The following SAMD12 variants were observed in gnomAD, a reference collection of about 807,000 sequenced individuals.
SAMD12 encodes sterile alpha motif domain-containing protein 12.
A neutral mutation model predicts 15.0 loss-of-function variants in SAMD12; 9 were observed. The ratio of observed to expected loss-of-function variants is 0.60; its 90% CI spans 0.36 to 1.05. The LOEUF (loss-of-function observed/expected upper bound fraction) is 1.05, where lower values mean the gene tolerates loss of function less well. Ranked by LOEUF, SAMD12 falls within the 50% of genes least tolerant of loss-of-function variation. The probability of loss-of-function intolerance (pLI) is 0.01; values close to 1 mark genes in which losing one functional copy is unlikely to be tolerated. For missense variants in SAMD12, 230 were observed against 234.2 expected, an observed-to-expected ratio of 0.98 and a Z score of 0.12; for synonymous variants, 86 against 90.1, an observed-to-expected ratio of 0.96 and a Z score of 0.25.
intron 2 of SAMD12, among the ~76,000 whole-genome samples, chr8:118,482,261 T>C (rs1247804991): frequency 6.6e-6 from 1 of 152,184 alleles, no homozygotes; most frequent in Non-Finnish European, 1.5e-5. Flanking sequence ...TGGGCATTAT[T>C]AGTCATTTCA....
intron 1 of SAMD12, among the ~76,000 whole-genome samples, chr8:118,611,274 T>C (rs1438724524): frequency 6.6e-6 from 1 of 152,168 alleles, no homozygotes; most frequent in Non-Finnish European, 1.5e-5. Context: ...GGCAGAATTA[T>C]CTACTAAACG....
intron 3 of SAMD12, among the ~76,000 whole-genome samples, chr8:118,431,780 T>A (rs754531385): frequency 6.6e-6 from 1 of 152,022 alleles, no homozygotes; most frequent in African/African-American, 2.4e-5. Context: ...CTGAACTTCT[T>A]GGATATGTGG....
intron 1 of SAMD12, among the ~76,000 whole-genome samples, chr8:118,583,154 T>C (rs1057430986): frequency 6.6e-6 from 1 of 152,154 alleles, no homozygotes. Flanking sequence ...TTAAACCAAC[T>C]GACCAGCTCA....
intron 4 of SAMD12, chr8:118,284,612 T>C (rs1383687657): frequency 8.1e-6 from 2 of 245,710 alleles, no homozygotes; most frequent in Non-Finnish European, 1.6e-5. Flanking sequence ...ACAGCATCAT[T>C]GTTTTCTGGA....
chr8:118,559,746 T>C (rs1214043376), intron 2 of SAMD12, among the ~76,000 whole-genome samples: 1 of 152,198 alleles, frequency 6.6e-6, no homozygotes, highest in Non-Finnish European at 1.5e-5. Flanking sequence ...GAAAATCTAG[T>C]GTGTAACACT....
At chr8:118,505,838 G>A (rs1342325538) in intron 2 of SAMD12, among the ~76,000 whole-genome samples, 1 of 151,968 alleles carries the variant, frequency 6.6e-6, no homozygotes, top group Non-Finnish European at 1.5e-5. Context: ...CAGGATTTGT[G>A]GGGAAGCCAC....
chr8:118,206,432 A>G (rs1241466382), intron 4 of SAMD12, among the ~76,000 whole-genome samples: 1 of 152,250 alleles, frequency 6.6e-6, no homozygotes, highest in Non-Finnish European at 1.5e-5. Flanking sequence ...AGTGAGGCAG[A>G]CAGGAGAAGC....
At chr8:118,522,630 A>T (rs1324337405) in intron 2 of SAMD12, among the ~76,000 whole-genome samples, 2 of 152,222 alleles carry the variant, frequency 1.3e-5, no homozygotes, top group Non-Finnish European at 2.9e-5. Context: ...GTTAATATCC[A>T]GTTTAATTGT....
At chr8:118,453,321 A>G (rs1284043934) in intron 2 of SAMD12, among the ~76,000 whole-genome samples, 1 of 152,162 alleles carries the variant, frequency 6.6e-6, no homozygotes, top group Non-Finnish European at 1.5e-5. Context: ...TGCTGGGCTA[A>G]TTAGTCTGGT....
intron 4 of SAMD12, among the ~76,000 whole-genome samples, chr8:118,232,252 C>T (rs750588272): frequency 2.6e-5 from 4 of 152,096 alleles, no homozygotes; most frequent in Non-Finnish European, 5.9e-5. Flanking sequence ...TTAAGCTCCC[C>T]ATAGAAACAC....
chr8:118,494,382 AAT>A (rs1179662478), intron 2 of SAMD12, among the ~76,000 whole-genome samples: 2 of 152,198 alleles, frequency 1.3e-5, no homozygotes, highest in Non-Finnish European at 2.9e-5. Flanking sequence ...GCAACAGGAA[AAT>A]ATATACAACA....
chr8:118,409,819 T>A (rs1821320906), intron 3 of SAMD12, among the ~76,000 whole-genome samples: 1 of 152,110 alleles, frequency 6.6e-6, no homozygotes, highest in Non-Finnish European at 1.5e-5. Context: ...GCTGGCACAT[T>A]TCACTCCAAA....
intron 2 of SAMD12, among the ~76,000 whole-genome samples, chr8:118,469,013 G>A (rs1263971577): frequency 1.3e-5 from 2 of 152,026 alleles, no homozygotes; most frequent in African/African-American, 4.8e-5. Context: ...TCTCTGCCTT[G>A]GTCCGCACTA....
At chr8:118,217,771 C>A (rs904253029) in intron 4 of SAMD12, among the ~76,000 whole-genome samples, 1 of 152,290 alleles carries the variant, frequency 6.6e-6, no homozygotes, top group South Asian at 2.1e-4. Flanking sequence ...AAGGCTATGT[C>A]CAAGGCTCTC....
intron 4 of SAMD12, among the ~76,000 whole-genome samples, chr8:118,200,808 GTCTT>G (rs913236645): frequency 3.3e-5 from 5 of 152,208 alleles, no homozygotes; most frequent in African/African-American, 1.2e-4. Context: ...TTGAACCTTA[GTCTT>G]TCTTCTTCCT....
downstream of SAMD12, among the ~76,000 whole-genome samples, chr8:118,377,807 T>G (rs1819463364): frequency 6.6e-6 from 1 of 152,050 alleles, no homozygotes; most frequent in South Asian, 2.1e-4. Flanking sequence ...TCTATATAGA[T>G]CATCACCAGA....
intron 2 of SAMD12, among the ~76,000 whole-genome samples, chr8:118,516,830 G>A (rs1825258186): frequency 6.6e-6 from 1 of 151,846 alleles, no homozygotes; most frequent in Admixed American, 6.6e-5. Flanking sequence ...GTAGAGATGG[G>A]GTTTCACTGT....
chr8:118,461,407 T>C (rs1442125306), intron 2 of SAMD12, among the ~76,000 whole-genome samples: 1 of 152,192 alleles, frequency 6.6e-6, no homozygotes, highest in Non-Finnish European at 1.5e-5. Flanking sequence ...ATATGGTAAT[T>C]CTTGAATGTA....
the SAMD12 span, among the ~76,000 whole-genome samples, chr8:118,152,231 G>C: frequency 6.6e-6 from 1 of 152,120 alleles, no homozygotes; most frequent in Non-Finnish European, 1.5e-5. Flanking sequence ...TTGTCTTCAA[G>C]AGTTTAAAGT....
Sources: gnomAD v4.1 joint callset for allele counts (sites outside exome capture counted in the v4.1 genomes callset) on GRCh38, gnomAD v4.1.1 for gene constraint, MANE v1.5 for transcripts, NCBI Gene and HGNC (gene_info 2026-07-23, HGNC 2026-07-21) for gene names.